DCAF4: variants seen among roughly 807,000 people sequenced by gnomAD.
DCAF4 encodes the protein DDB1 and CUL4 associated factor 4, also known as DDB1- and CUL4-associated factor 4.
Under a neutral mutation model 60.9 loss-of-function variants are expected in DCAF4, and 37 were observed. The observed-to-expected ratio is 0.61, with a 90% CI of 0.47 to 0.80. The LOEUF is 0.80. DCAF4 is among the 30% of genes least tolerant of loss of function. The pLI is 0.00. For missense variants in DCAF4, 577 were observed against 650.0 expected, an observed-to-expected ratio of 0.89 and a Z score of 1.22; for synonymous variants, 243 against 254.8, an observed-to-expected ratio of 0.95 and a Z score of 0.44.
rs1380582452 is a variant in DCAF4, at chr14:72,954,041, A to G, written c.809-123A>G. 2.9e-6 allele frequency: 3 copies of G among 1,024,556 alleles called. No homozygotes were observed. In the African/African-American group the frequency reaches 4.8e-5, roughly 16 times the overall value. 63.5% of individuals were successfully genotyped at this position (1,024,556 alleles called of 1,614,324 possible). A position where few individuals can be genotyped will look rare whatever the true frequency, so the allele number is the denominator to read the frequency against. ...TCTCTCTTGCAACCACAAAACCCAG[A>G]ATGGGGCCAAAGGTATAGACCCTCT... is the stretch of plus-strand genomic sequence containing the variant. On this transcript the variant is annotated intron_variant, in intron 9 of 13. Transcript: ENST00000358377.
chr14:72,955,722 C>T (rs1464526922), intron 12 of DCAF4, 26 bp downstream of exon 12: 1 of 1,596,896 alleles, frequency 6.3e-7, no homozygotes, highest in Non-Finnish European at 8.6e-7. Context: ...CTTTCTCAGG[C>T]CACAGGGTCT....
intron 1 of DCAF4, among the ~76,000 whole-genome samples, chr14:72,928,587 A>T (rs12881839): frequency 0.1 from 56 of 538 alleles, no homozygotes; most frequent in Admixed American, 0.2. Context: ...AACATCCTTT[A>T]TATATATATA....
intron 13 of DCAF4, chr14:72,956,728 G>A: frequency 2.2e-6 from 1 of 454,192 alleles, no homozygotes. Flanking sequence ...CATGTCAGTG[G>A]GCAAACGTCA....
chr14:72,941,844 T>C lies in DCAF4; in HGVS notation c.431+20T>C. 4 of 1,609,508 alleles carry C rather than the reference T, an allele frequency of 2.5e-6. No homozygotes were observed. Among genetic ancestry groups the C allele is most frequent in the Non-Finnish European group, 3.4e-6 (4 of 1,176,206 alleles). ...CTGCCAGTAAGACAATGCCTCTTTG[T>C]TATGTTTTCTTCATGAATGTTCTTT... On this transcript the variant is annotated intron_variant, in intron 5 of 13. Coordinates refer to ENST00000358377, the MANE Select transcript of DCAF4 (RefSeq NM_015604.4).
chr14:72,950,083 A>G (rs576642355), intron 8 of DCAF4, among the ~76,000 whole-genome samples: 1 of 152,304 alleles, frequency 6.6e-6, no homozygotes, highest in Admixed American at 6.5e-5. Context: ...CTGGCTAGGG[A>G]GCAGGGCCTT....
intron 13 of DCAF4, 98 bp from the exon 14 acceptor site, chr14:72,958,514 C>A: frequency 7.0e-7 from 1 of 1,421,324 alleles, no homozygotes; most frequent in Non-Finnish European, 9.8e-7. Flanking sequence ...CACATGAAAT[C>A]ACAGCCCTGA....
intron 13 of DCAF4, chr14:72,956,954 C>G (rs778312945): frequency 5.0e-6 from 1 of 201,326 alleles, no homozygotes; most frequent in East Asian, 1.7e-4. Flanking sequence ...GGCTCACGCC[C>G]GTAATCCCAA....
At chr14:72,958,244 G>C in intron 13 of DCAF4, 1 of 319,512 alleles carries the variant, frequency 3.1e-6, no homozygotes, top group South Asian at 2.8e-5. Context: ...CTGCACTCCA[G>C]CCCGGGCGAC....
chr14:72,936,563 CAA>C (rs59287534), intron 1 of DCAF4, among the ~76,000 whole-genome samples: 8 of 129,538 alleles, frequency 6.2e-5, no homozygotes, highest in Non-Finnish European at 4.9e-5. Context: ...GACTCCATCT[CAA>C]AAAAAAAAAA....
Position 72,954,245 on chromosome 14 carries a change from A to AT in DCAF4, c.891dup (p.Asn298Ter), listed in dbSNP as rs1891964097. The AT allele has an allele frequency of 6.2e-7, 1 of 1,614,102 alleles. No homozygotes were observed. The highest frequency in any genetic ancestry group is 8.5e-7 in the Non-Finnish European group (1 of 1,180,050). ...GCCTGGTCCCTGAATATCCAAGCAA[A>AT]TAACTGCTTCAGTACAGGTGAGCCT... On this transcript the variant is annotated frameshift_variant, in exon 10 of 14. Transcript: ENST00000358377. LOFTEE classifies it high-confidence loss of function.
Position 72,958,815 on chromosome 14 carries a change from G to C in DCAF4, c.*10G>C. The C allele has an allele frequency of 6.5e-7, 1 of 1,545,510 alleles. No homozygotes were observed. Among genetic ancestry groups the C allele is most frequent in the Non-Finnish European group, 8.7e-7 (1 of 1,149,562 alleles). On this transcript the variant is annotated 3_prime_UTR_variant, in exon 14 of 14. Coordinates refer to ENST00000358377, the MANE Select transcript of DCAF4 (RefSeq NM_015604.4). ...TTACTCCTACAGCTAATTCTGCAGG[G>C]CACAGCCCAGAGCCATGTGGATTTG...
Position 72,955,707 on chromosome 14 carries a change from A to G in DCAF4, c.1179+11A>G, listed in dbSNP as rs749114895. The G allele has an allele frequency of 1.2e-6, 2 of 1,609,420 alleles. No individual in the cohort carries two copies. The highest frequency in any genetic ancestry group is 2.2e-5 in the South Asian group (2 of 90,636). Reference sequence around the variant, plus strand: ...GACATGGCTGGAAAGGTAGGGGATCATGGACTTTCTCAGGCCACAGGGTCT... The same window carrying G: ...GACATGGCTGGAAAGGTAGGGGATCGTGGACTTTCTCAGGCCACAGGGTCT... On this transcript the variant is annotated intron_variant, in intron 12 of 13. Transcript: ENST00000358377.
At chr14:72,942,915 C>A in intron 5 of DCAF4, 79 bp from the exon 6 acceptor site, 2 of 1,311,112 alleles carry the variant, frequency 1.5e-6, no homozygotes, top group South Asian at 1.3e-5. Context: ...GTCAGCGGGG[C>A]AGGGAAGGCC....
intron 7 of DCAF4, 136 bp from the exon 8 acceptor site, chr14:72,947,006 A>G: frequency 3.4e-6 from 4 of 1,168,714 alleles, no homozygotes; most frequent in Non-Finnish European, 3.8e-6. Flanking sequence ...CACCCTCAGA[A>G]TGCTTGTTCC....
intron 8 of DCAF4, 150 bp from the exon 9 acceptor site, chr14:72,951,648 A>G (rs1891430998): frequency 4.5e-6 from 3 of 665,536 alleles, no homozygotes; most frequent in Non-Finnish European, 7.9e-6. Context: ...TCTGAAGGTA[A>G]ATGTGGGCAG....
intron 1 of DCAF4, among the ~76,000 whole-genome samples, chr14:72,935,621 T>C (rs1889166268): frequency 6.6e-6 from 1 of 152,216 alleles, no homozygotes; most frequent in African/African-American, 2.4e-5. Context: ...CCTTACCAGA[T>C]TGCAGTGCCT....
Position 72,958,964 on chromosome 14 carries a change from T to A in DCAF4, c.*159T>A. On this transcript the variant is annotated 3_prime_UTR_variant, in exon 14 of 14. Transcript: ENST00000358377. The stretch of plus-strand genomic sequence containing the variant: ...AAGTGCTGAATGTTCCGTGTGGAGA[T>A]GCTCAGGAAAGTTATTTGAGTTAAA... The A allele has an allele frequency of 3.1e-6, 4 of 1,305,942 alleles. No individual in the cohort carries two copies. Among genetic ancestry groups the A allele is most frequent in the Non-Finnish European group, 3.9e-6 (4 of 1,030,876 alleles). The allele number at this position is 1,305,942 out of a possible 1,614,324, so 80.9% of individuals were successfully genotyped here. A position where few individuals can be genotyped will look rare whatever the true frequency, so the allele number is the denominator to read the frequency against.
At position 72,940,268 on chromosome 14, in the gene DCAF4, T is replaced by A; in HGVS notation, c.242T>A (p.Leu81Ter). The A allele has an allele frequency of 6.2e-7, 1 of 1,614,196 alleles. No homozygotes were observed. Among genetic ancestry groups the A allele is most frequent in the Non-Finnish European group, 8.5e-7 (1 of 1,180,042 alleles). ...FDPEKKRYFRLLPGHNNCNPL... is the reference protein window; with the variant it reads ...FDPEKKRYFR ...CCTGAAAAGAAACGCTACTTCCGCT[T>A]GCTCCCTGGACATAACAACTGCAAC... Residue 81 changes from leucine (L) to a stop codon, truncating the protein, a stop_gained, in exon 4 of 14, where the codon TTG becomes TAG. Transcript: ENST00000358377. LOFTEE classifies it high-confidence loss of function.
At chr14:72,962,088 T>A (rs1892840276), downstream of DCAF4, 1 of 935,868 alleles carries the variant, frequency 1.1e-6, no homozygotes. Context: ...TAAAAAAATT[T>A]GTGTCTCCAA....
Sources: allele counts gnomAD v4.1 joint callset (sites outside exome capture counted in the v4.1 genomes callset), GRCh38; gene constraint gnomAD v4.1.1; transcripts MANE v1.5; gene names NCBI Gene and HGNC (gene_info 2026-07-23, HGNC 2026-07-21).